CLVS1: variants seen among roughly 807,000 people sequenced by gnomAD.
CLVS1 encodes the protein clavesin-1.
A neutral mutation model predicts 33.1 loss-of-function variants in CLVS1; 10 were observed. The observed-to-expected ratio is 0.30, with a 90% CI of 0.19 to 0.51. The LOEUF is 0.51. CLVS1 is among the 20% of genes least tolerant of loss of function. The pLI is 0.97. For synonymous variants in CLVS1, 163 were observed against 166.1 expected, an observed-to-expected ratio of 0.98 and a Z score of 0.14; for missense variants, 343 against 433.4, an observed-to-expected ratio of 0.79 and a Z score of 1.85.
chr8:61,244,962 T>A (rs985909795), intron 2 of CLVS1, among the ~76,000 whole-genome samples: 1 of 152,214 alleles, frequency 6.6e-6, no homozygotes, highest in African/African-American at 2.4e-5. Flanking sequence ...AGAATTTCTT[T>A]ACATATATTT....
intron 2 of CLVS1, among the ~76,000 whole-genome samples, chr8:61,209,661 T>A (rs1807931830): frequency 6.6e-6 from 1 of 152,232 alleles, no homozygotes; most frequent in South Asian, 2.1e-4. Flanking sequence ...TAACTGAGCC[T>A]CTGAAGAGAG....
intron 2 of CLVS1, among the ~76,000 whole-genome samples, chr8:61,241,920 T>A (rs1808704950): frequency 6.6e-6 from 1 of 152,200 alleles, no homozygotes; most frequent in African/African-American, 2.4e-5. Flanking sequence ...GGGTATAGAT[T>A]TCTGGCTTCA....
chr8:61,124,840 T>A (rs915862158), intron 1 of CLVS1, among the ~76,000 whole-genome samples: 6 of 152,218 alleles, frequency 3.9e-5, no homozygotes, highest in African/African-American at 1.4e-4. Flanking sequence ...GCCATAAACG[T>A]CCTGAAGTGT....
chr8:61,389,069 T>C (rs573323808), intron 3 of CLVS1, among the ~76,000 whole-genome samples: 3 of 152,290 alleles, frequency 2.0e-5, no homozygotes, highest in South Asian at 4.1e-4. Flanking sequence ...CTTAACATAA[T>C]GTACACACTT....
intron 2 of CLVS1, among the ~76,000 whole-genome samples, chr8:61,354,645 C>A (rs565461539): frequency 6.6e-6 from 1 of 152,192 alleles, no homozygotes; most frequent in African/African-American, 2.4e-5. Context: ...TACTACTCAA[C>A]AATAAAAGGA....
chr8:61,002,436 C>T, the CLVS1 span, among the ~76,000 whole-genome samples: 1 of 146,024 alleles, frequency 6.8e-6, no homozygotes, highest in East Asian at 2.1e-4. Flanking sequence ...TCAAGCGATT[C>T]TCCTCCCTCA....
chr8:61,313,563 C>G lies in CLVS1; in HGVS notation c.455+13281C>G, dbSNP rs535011216. ...GCTGCCTCAGCCATGGCAAGGGATG[C>G]TCCTCTTTACCTTACACTTTCTCGT... On this transcript the variant is annotated intron_variant, in intron 2 of 5. Transcript: ENST00000325897. Among the ~76,000 whole-genome samples, 8 of 152,300 alleles carry G rather than the reference C, an allele frequency of 5.3e-5. No individual in the cohort carries two copies. In the South Asian group the frequency reaches 1.7e-3, roughly 32 times the overall value.
chr8:61,139,308 G>A (rs1236130655), intron 2 of CLVS1, among the ~76,000 whole-genome samples: 2 of 152,232 alleles, frequency 1.3e-5, no homozygotes, highest in Non-Finnish European at 2.9e-5. Flanking sequence ...AACCTTTCAA[G>A]CGACTCCCCC....
intron 1 of CLVS1, among the ~76,000 whole-genome samples, chr8:61,086,023 G>A (rs1409495219): frequency 5.2e-5 from 6 of 114,738 alleles, no homozygotes; most frequent in South Asian, 3.0e-4. Context: ...GCGACAGAGC[G>A]AGACTCCCTC....
At chr8:61,474,762 G>A (rs1034338913) in intron 5 of CLVS1, among the ~76,000 whole-genome samples, 6 of 152,148 alleles carry the variant, frequency 3.9e-5, no homozygotes, top group South Asian at 2.1e-4. Context: ...AGAAGTTCCC[G>A]AGGACTCTAT....
At chr8:61,241,663 C>A (rs988697795) in intron 2 of CLVS1, among the ~76,000 whole-genome samples, 1 of 152,190 alleles carries the variant, frequency 6.6e-6, no homozygotes, top group African/African-American at 2.4e-5. Context: ...GGGAACCTTG[C>A]AAGACTGTGT....
intron 1 of CLVS1, among the ~76,000 whole-genome samples, chr8:61,105,549 C>T: frequency 6.6e-6 from 1 of 152,168 alleles, no homozygotes; most frequent in Non-Finnish European, 1.5e-5. Context: ...GAGAATGGGG[C>T]CAAGGGCAGT....
intron 5 of CLVS1, among the ~76,000 whole-genome samples, chr8:61,462,837 G>A (rs1183211142): frequency 6.6e-6 from 1 of 152,140 alleles, no homozygotes; most frequent in African/African-American, 2.4e-5. Context: ...AATGGTAAAT[G>A]AGCATTGGCT....
At chr8:61,297,176 A>G (rs1284554608) in intron 1 of CLVS1, among the ~76,000 whole-genome samples, 1 of 152,176 alleles carries the variant, frequency 6.6e-6, no homozygotes, top group Admixed American at 6.5e-5. Flanking sequence ...CCTTGAAATC[A>G]TGTTACATAG....
intron 2 of CLVS1, among the ~76,000 whole-genome samples, chr8:61,369,288 T>C (rs1462034125): frequency 1.3e-5 from 2 of 152,232 alleles, no homozygotes; most frequent in African/African-American, 4.8e-5. Flanking sequence ...GCACACTTCT[T>C]GAATCTCATA....
chr8:60,991,744 CTTTTT>C, the CLVS1 span, among the ~76,000 whole-genome samples: 14 of 118,962 alleles, frequency 1.2e-4, no homozygotes, highest in Middle Eastern at 0.012. Context: ...AAGCCCCACT[CTTTTT>C]TTTTTTTTTT....
At chr8:61,179,499 A>G (rs1028596554) in intron 2 of CLVS1, among the ~76,000 whole-genome samples, 1 of 152,354 alleles carries the variant, frequency 6.6e-6, no homozygotes, top group Non-Finnish European at 1.5e-5. Flanking sequence ...GACTTAATAG[A>G]TATCTACAGA....
intron 1 of CLVS1, among the ~76,000 whole-genome samples, chr8:61,091,847 C>A (rs948405878): frequency 1.3e-5 from 2 of 152,142 alleles, no homozygotes; most frequent in African/African-American, 4.8e-5. Flanking sequence ...CTTATAAAAT[C>A]CTGATAGGAA....
At chr8:61,309,384 T>C (rs1399461521) in intron 2 of CLVS1, among the ~76,000 whole-genome samples, 2 of 152,188 alleles carry the variant, frequency 1.3e-5, no homozygotes, top group African/African-American at 4.8e-5. Context: ...GGTTCCAAGG[T>C]TGCATTCCTG....
Sources: allele counts gnomAD v4.1 joint callset (sites outside exome capture counted in the v4.1 genomes callset), GRCh38; gene constraint gnomAD v4.1.1; transcripts MANE v1.5; gene names NCBI Gene and HGNC (gene_info 2026-07-23, HGNC 2026-07-21).